Variants in EPHB1 observed in about 807,000 individuals in gnomAD.
EPHB1 encodes the protein EPH receptor B1.
EPHB1 carries 30 observed loss-of-function variants against 94.4 expected under a neutral mutation model. The observed-to-expected ratio is 0.32, with a 90% CI of 0.24 to 0.43. The LOEUF (loss-of-function observed/expected upper bound fraction) is 0.43, where lower values mean the gene tolerates loss of function less well. EPHB1 is among the 20% of genes least tolerant of loss of function. The pLI, the probability that EPHB1 is intolerant of heterozygous loss-of-function variation, is 1.00. For synonymous variants in EPHB1, 522 were observed against 489.1 expected, an observed-to-expected ratio of 1.07 and a Z score of -0.89; for missense variants, 1,055 against 1,308.3, an observed-to-expected ratio of 0.81 and a Z score of 2.99.
At chr3:135,057,795 TG>T (rs1248453782) in intron 3 of EPHB1, among the ~76,000 whole-genome samples, 5 of 152,236 alleles carry the variant, frequency 3.3e-5, no homozygotes, top group African/African-American at 1.2e-4. Context: ...GCGTGTCCTA[TG>T]TTGCATTTAC....
At chr3:135,046,780 A>G (rs1041572747) in intron 3 of EPHB1, among the ~76,000 whole-genome samples, 2 of 152,198 alleles carry the variant, frequency 1.3e-5, no homozygotes, top group Admixed American at 6.5e-5. Context: ...CTCCTCTAAC[A>G]TGGGAAATAT....
chr3:135,251,619 T>C (rs1268872937), intron 15 of EPHB1, among the ~76,000 whole-genome samples: 1 of 152,220 alleles, frequency 6.6e-6, no homozygotes, highest in African/African-American at 2.4e-5. Flanking sequence ...ATAAAATAGA[T>C]TGTGGGACAA....
intron 1 of EPHB1, among the ~76,000 whole-genome samples, chr3:134,853,836 G>A (rs1017762269): frequency 1.3e-5 from 2 of 152,208 alleles, no homozygotes; most frequent in African/African-American, 4.8e-5. Context: ...ATGGAAAACA[G>A]AGACAGGGGT....
At chr3:134,809,253 A>C (rs2036122341) in intron 1 of EPHB1, among the ~76,000 whole-genome samples, 1 of 152,154 alleles carries the variant, frequency 6.6e-6, no homozygotes, top group African/African-American at 2.4e-5. Context: ...CATTTGAGAG[A>C]GAGAGTGATC....
intron 3 of EPHB1, among the ~76,000 whole-genome samples, chr3:134,968,145 G>C (rs1267123264): frequency 6.6e-6 from 1 of 152,226 alleles, no homozygotes; most frequent in Non-Finnish European, 1.5e-5. Flanking sequence ...GGAGTGACTT[G>C]TCTGGGCCTC....
chr3:134,997,641 C>T (rs1005081339), intron 3 of EPHB1, among the ~76,000 whole-genome samples: 1 of 152,178 alleles, frequency 6.6e-6, no homozygotes. Context: ...TCTGCTATAA[C>T]GTTTTTAGTT....
chr3:134,860,859 C>T (rs2037242851), intron 1 of EPHB1, among the ~76,000 whole-genome samples: 1 of 149,652 alleles, frequency 6.7e-6, no homozygotes, highest in Non-Finnish European at 1.5e-5. Flanking sequence ...TAGAGCATCT[C>T]ATGAGTCATT....
intron 3 of EPHB1, among the ~76,000 whole-genome samples, chr3:134,983,509 C>G (rs1934488835): frequency 1.3e-5 from 2 of 152,208 alleles, no homozygotes; most frequent in South Asian, 4.1e-4. Flanking sequence ...AGGATCTCCT[C>G]AGGAGAGGGG....
intron 3 of EPHB1, among the ~76,000 whole-genome samples, chr3:134,959,852 C>T (rs57405861): frequency 1.3e-5 from 2 of 151,290 alleles, no homozygotes; most frequent in African/African-American, 4.8e-5. Context: ...CCTGTGAGGG[C>T]TGTATCCCAG....
At position 135,106,607 on chromosome 3, in the gene EPHB1, A is replaced by G. The variant is rs990107214; in HGVS notation, c.961+4A>G. The G allele has an allele frequency of 1.2e-6, 2 of 1,613,924 alleles. No individual in the cohort carries two copies. Among genetic ancestry groups the G allele is most frequent in the Admixed American group, 3.3e-5 (2 of 60,026 alleles). On this transcript the variant is annotated splice_donor_region_variant and intron_variant, in intron 4 of 15. Transcript: ENST00000398015. Reference sequence around the variant, plus strand: ...CCTCCAGAAGTGGCATGCACTAGTAAGTGTCTAGTAATGGCTCTGGGCTGG... The same window carrying G: ...CCTCCAGAAGTGGCATGCACTAGTAGGTGTCTAGTAATGGCTCTGGGCTGG...
chr3:134,817,769 G>A (rs2036297923), intron 1 of EPHB1, among the ~76,000 whole-genome samples: 1 of 152,230 alleles, frequency 6.6e-6, no homozygotes, highest in Non-Finnish European at 1.5e-5. Context: ...AACACAAGCT[G>A]TTCTTATAAT....
intron 3 of EPHB1, among the ~76,000 whole-genome samples, chr3:134,973,335 C>G (rs1379424046): frequency 6.6e-6 from 1 of 151,790 alleles, no homozygotes; most frequent in African/African-American, 2.4e-5. Flanking sequence ...CTGGCTCAGC[C>G]TGGAAGAGAT....
intron 4 of EPHB1, among the ~76,000 whole-genome samples, chr3:135,111,549 G>T (rs1277994173): frequency 6.6e-6 from 1 of 152,146 alleles, no homozygotes; most frequent in Admixed American, 6.5e-5. Flanking sequence ...ATGTATGTGA[G>T]AGAGAGGAGG....
chr3:135,138,994 C>T (rs1178253388), intron 5 of EPHB1, among the ~76,000 whole-genome samples: 1 of 152,214 alleles, frequency 6.6e-6, no homozygotes, highest in Non-Finnish European at 1.5e-5. Context: ...TCGCAGTCCT[C>T]CACCAGATGG....
At chr3:135,151,575 C>T (rs915838315) in intron 5 of EPHB1, among the ~76,000 whole-genome samples, 37 of 152,152 alleles carry the variant, frequency 2.4e-4, no homozygotes, top group African/African-American at 8.7e-4. Context: ...CTGAATCCCC[C>T]CACTAGAAAG....
At chr3:134,880,239 A>G (rs2037704494) in intron 1 of EPHB1, among the ~76,000 whole-genome samples, 1 of 152,212 alleles carries the variant, frequency 6.6e-6, no homozygotes, top group Admixed American at 6.5e-5. Context: ...AAGTGTGAGG[A>G]TGTAATGTGA....
At chr3:135,030,078 C>A (rs2107759496) in intron 3 of EPHB1, among the ~76,000 whole-genome samples, 1 of 151,426 alleles carries the variant, frequency 6.6e-6, no homozygotes, top group East Asian at 1.9e-4. Flanking sequence ...GCTCCATCAG[C>A]TCCTTTAAGC....
intron 4 of EPHB1, among the ~76,000 whole-genome samples, chr3:135,108,257 T>A (rs1559833343): frequency 1.3e-5 from 2 of 152,224 alleles, no homozygotes; most frequent in South Asian, 2.1e-4. Flanking sequence ...TAAAGAGTTT[T>A]AGAAATTTAA....
chr3:135,151,225 T>C (rs1035302038), intron 5 of EPHB1, among the ~76,000 whole-genome samples: 2 of 152,168 alleles, frequency 1.3e-5, no homozygotes, highest in African/African-American at 4.8e-5. Flanking sequence ...CCGTGCCTTG[T>C]TGACAGTCCT....
Sources: allele counts gnomAD v4.1 joint callset (sites outside exome capture counted in the v4.1 genomes callset), GRCh38; gene constraint gnomAD v4.1.1; transcripts MANE v1.5; gene names NCBI Gene and HGNC (gene_info 2026-07-23, HGNC 2026-07-21).